The following CLUAP1 variants were observed in gnomAD, a reference collection of about 807,000 sequenced individuals.
The protein encoded by CLUAP1 is clusterin-associated protein 1.
A neutral mutation model predicts 55.0 loss-of-function variants in CLUAP1; 50 were observed. The ratio of observed to expected loss-of-function variants is 0.91; its 90% CI spans 0.72 to 1.15. CLUAP1 has a LOEUF of 1.15. CLUAP1 is among the 50% of genes most tolerant of loss of function. The pLI is 0.00. For missense variants in CLUAP1, 530 were observed against 507.6 expected (o/e 1.04, Z -0.42); for synonymous variants, 195 against 175.4 (o/e 1.11, Z -0.88).
At position 3,537,057 on chromosome 16, in the gene CLUAP1, A is replaced by G. The variant is rs1371997754; in HGVS notation, c.*786A>G. The G allele has an allele frequency of 1.3e-5, 2 of 152,174 alleles. No individual in the cohort carries two copies. Among genetic ancestry groups the G allele is most frequent in the Non-Finnish European group, 2.9e-5 (2 of 68,048 alleles). 9.4% of individuals were successfully genotyped at this position (152,174 alleles called of 1,614,324 possible). On this transcript the variant is annotated 3_prime_UTR_variant, in exon 12 of 12. Coordinates refer to ENST00000576634, the MANE Select transcript of CLUAP1 (RefSeq NM_015041.3). ...GCCCTCTCAGAAACTCCAGACTCCC[A>G]TGGCAATGACAGCCGGGACACTTTT...
intron 3 of CLUAP1, among the ~76,000 whole-genome samples, chr16:3,507,798 G>C (rs571352603): frequency 6.6e-6 from 1 of 151,484 alleles, no homozygotes; most frequent in South Asian, 2.1e-4. Context: ...TACACTACAA[G>C]ATGTTTAGCA....
At chr16:3,500,335 C>CGG (rs2037364557), upstream of CLUAP1, among the ~76,000 whole-genome samples, 1 of 150,568 alleles carries the variant, frequency 6.6e-6, no homozygotes, top group South Asian at 2.1e-4. Flanking sequence ...GTGCCTCGGA[C>CGG]GGGGGAAGGC....
At position 3,536,607 on chromosome 16, in the gene CLUAP1, A is replaced by G. The variant is rs192595616; in HGVS notation, c.*336A>G. ...ACAAGTCTTGGCTGCTTTTGTTACTATACATTTTCTCTGAGACTCCAGCAG... is the reference window on the plus strand; with the variant it reads ...ACAAGTCTTGGCTGCTTTTGTTACTGTACATTTTCTCTGAGACTCCAGCAG... On this transcript the variant is annotated 3_prime_UTR_variant, in exon 12 of 12. Transcript: ENST00000576634. 14 of 194,998 alleles carry G rather than the reference A, an allele frequency of 7.2e-5. No homozygotes were observed. In the East Asian group the frequency reaches 1.6e-3, roughly 23 times the overall value. The allele number at this position is 194,998 out of a possible 1,614,324, so 12.1% of individuals were successfully genotyped here. A position where few individuals can be genotyped will look rare whatever the true frequency, so the allele number is the denominator to read the frequency against.
intron 6 of CLUAP1, among the ~76,000 whole-genome samples, chr16:3,519,213 C>T (rs1005499884): frequency 1.3e-5 from 2 of 152,224 alleles, no homozygotes; most frequent in Non-Finnish European, 2.9e-5. Flanking sequence ...GTCCCCCTTC[C>T]CTTCTTTACT....
At chr16:3,521,474 G>A (rs1320630450) in intron 7 of CLUAP1, among the ~76,000 whole-genome samples, 1 of 141,448 alleles carries the variant, frequency 7.1e-6, no homozygotes, top group Non-Finnish European at 1.5e-5. Context: ...CGCTCTTGTT[G>A]CCGAGGCTGG....
At chr16:3,517,490 T>C (rs974355713) in intron 6 of CLUAP1, among the ~76,000 whole-genome samples, 2 of 151,696 alleles carry the variant, frequency 1.3e-5, no homozygotes, top group African/African-American at 2.4e-5. Context: ...TTTTTTTTTT[T>C]AGTAGAGATG....
intron 6 of CLUAP1, among the ~76,000 whole-genome samples, chr16:3,516,943 C>T (rs2037739816): frequency 6.6e-6 from 1 of 151,816 alleles, no homozygotes; most frequent in Non-Finnish European, 1.5e-5. Flanking sequence ...TTCTCCTGGC[C>T]AAAGTAAGGA....
intron 4 of CLUAP1, among the ~76,000 whole-genome samples, chr16:3,512,104 T>C (rs1428990280): frequency 6.6e-6 from 1 of 151,198 alleles, no homozygotes; most frequent in Non-Finnish European, 1.5e-5. Context: ...GAAAATTACT[T>C]GAACCTGGGA....
intron 10 of CLUAP1, 39 bp from the exon 11 acceptor site, chr16:3,532,747 A>G (rs1480202329): frequency 1.2e-6 from 2 of 1,609,666 alleles, no homozygotes; most frequent in African/African-American, 1.3e-5. Flanking sequence ...TTTATTTTCC[A>G]AGATTTTTAT....
At chr16:3,521,997 T>C (rs2037847273) in intron 7 of CLUAP1, among the ~76,000 whole-genome samples, 1 of 151,996 alleles carries the variant, frequency 6.6e-6, no homozygotes, top group East Asian at 1.9e-4. Flanking sequence ...CGTTCGATGC[T>C]GCAGTAAGCC....
At position 3,501,033 on chromosome 16, in the gene CLUAP1, A is replaced by C. The variant is rs1017579923; in HGVS notation, c.-35A>C. Reference sequence around the variant, plus strand: ...GGCCTGTGATCGCTGAGGGGCGAGCAGTTGCGACCCTGGGCTCCTGGGGAC... The same window carrying C: ...GGCCTGTGATCGCTGAGGGGCGAGCCGTTGCGACCCTGGGCTCCTGGGGAC... On this transcript the variant is annotated 5_prime_UTR_variant, in exon 1 of 12. Coordinates refer to ENST00000576634, the MANE Select transcript of CLUAP1 (RefSeq NM_015041.3). 6.3e-7 allele frequency: 1 copy of C among 1,594,670 alleles called. No homozygotes were observed. Among genetic ancestry groups the C allele is most frequent in the South Asian group, 1.1e-5 (1 of 88,892 alleles).
At chr16:3,520,815 C>T (rs1463533762) in intron 7 of CLUAP1, among the ~76,000 whole-genome samples, 1 of 152,156 alleles carries the variant, frequency 6.6e-6, no homozygotes, top group Admixed American at 6.5e-5. Flanking sequence ...AAATATATTT[C>T]CCAGGAATAC....
intron 6 of CLUAP1, among the ~76,000 whole-genome samples, chr16:3,517,148 G>T (rs143173823): frequency 1.4e-5 from 2 of 147,090 alleles, no homozygotes; most frequent in Non-Finnish European, 3.0e-5. Context: ...TTTTTGAGAC[G>T]GAGTCTTGCT....
chr16:3,512,326 GTCTCTATTAAAAAACATC>G, intron 4 of CLUAP1, 39 bp from the exon 5 acceptor site: 1 of 1,345,308 alleles, frequency 7.4e-7, no homozygotes, highest in Non-Finnish European at 1.1e-6. Flanking sequence ...CCAAGACCCT[GTCTCTATTAAAAAACATC>G]TGTTGCTGAG....
intron 1 of CLUAP1, among the ~76,000 whole-genome samples, chr16:3,502,898 C>T (rs995595460): frequency 3.9e-5 from 6 of 152,178 alleles, no homozygotes; most frequent in Admixed American, 3.3e-4. Flanking sequence ...ACAATAACAC[C>T]GCAGCATTAA....
At chr16:3,496,870 TTTC>T (rs2037318785), upstream of CLUAP1, 7 of 291,298 alleles carry the variant, frequency 2.4e-5, no homozygotes, top group South Asian at 1.9e-4. Flanking sequence ...CTTTTTTTCT[TTTC>T]TTTTTTTTTT....
chr16:3,502,626 CT>C (rs1567420324), intron 1 of CLUAP1, among the ~76,000 whole-genome samples: 2 of 151,982 alleles, frequency 1.3e-5, no homozygotes, highest in African/African-American at 4.8e-5. Context: ...GACGCATTAC[CT>C]TTTATCCATG....
chr16:3,529,534 TTA>T (rs1422499894), intron 9 of CLUAP1, among the ~76,000 whole-genome samples: 7 of 58,128 alleles, frequency 1.2e-4, no homozygotes, highest in Non-Finnish European at 2.0e-4. Context: ...TTATTATATG[TTA>T]TATATTATTA....
At chr16:3,496,737 G>A (rs2037316212), upstream of CLUAP1, 4 of 524,848 alleles carry the variant, frequency 7.6e-6, no homozygotes, top group South Asian at 2.8e-5. Context: ...GAGCGCGCCA[G>A]AGGCCTACGG....
Sources: allele counts gnomAD v4.1 joint callset (sites outside exome capture counted in the v4.1 genomes callset), GRCh38; gene constraint gnomAD v4.1.1; transcripts MANE v1.5; gene names NCBI Gene and HGNC (gene_info 2026-07-23, HGNC 2026-07-21).